SERHL2: variants seen among roughly 807,000 people sequenced by gnomAD.
SERHL2 encodes the protein serine hydrolase like 2, also known as serine hydrolase-like protein 2.
SERHL2 carries 29 observed loss-of-function variants against 25.5 expected under a neutral mutation model. That is an observed-to-expected ratio of 1.14 (90% CI 0.85 to 1.55). The LOEUF (loss-of-function observed/expected upper bound fraction) is 1.55, where lower values mean the gene tolerates loss of function less well. Among genes scored for constraint, SERHL2 ranks in the 40% most tolerant of loss-of-function variants. The pLI is 0.00. For missense variants in SERHL2, 240 were observed against 252.3 expected, an observed-to-expected ratio of 0.95 and a Z score of 0.33; for synonymous variants, 95 against 103.5, an observed-to-expected ratio of 0.92 and a Z score of 0.50.
In SERHL2 at chr22:42,566,365, C is replaced by T. The variant is rs200081336; in HGVS notation, c.648+27C>T. ...TGAGTACCACTGCCTCCGGGTCCCC[C>T]GCCAAGGTTTGCCTGTTAGCGTCTT... is the stretch of plus-strand genomic sequence containing the variant. On this transcript the variant is annotated intron_variant, in intron 9 of 11. Coordinates refer to ENST00000327678, the MANE Select transcript of SERHL2 (RefSeq NM_014509.5). The T allele has an allele frequency of 6.6e-5, 107 of 1,609,168 alleles. 1 individual carries two copies. In the East Asian group the frequency reaches 1.1e-3, roughly 16 times the overall value.
chr22:42,560,405 C>A, intron 8 of SERHL2, 140 bp downstream of exon 8: 1 of 669,032 alleles, frequency 1.5e-6, no homozygotes, highest in South Asian at 1.7e-5. Flanking sequence ...GCCTCACCCT[C>A]ATCCCATTTA....
intron 9 of SERHL2, among the ~76,000 whole-genome samples, chr22:42,570,902 G>A (rs919858114): frequency 2.0e-5 from 3 of 152,004 alleles, no homozygotes; most frequent in African/African-American, 7.2e-5. Flanking sequence ...CACGAGCCCA[G>A]GAAGAAGGGA....
At chr22:42,567,628 C>T (rs1164845318) in intron 9 of SERHL2, among the ~76,000 whole-genome samples, 2 of 151,234 alleles carry the variant, frequency 1.3e-5, no homozygotes, top group African/African-American at 2.4e-5. Context: ...TGCGCCACTG[C>T]AGTTCGCAGT....
intron 11 of SERHL2, 156 bp downstream of exon 11, chr22:42,572,685 C>CA (rs1235628621): frequency 3.0e-6 from 3 of 984,546 alleles, no homozygotes; most frequent in Non-Finnish European, 3.6e-6. Context: ...CCACTGTGGT[C>CA]AGTCCCTAGA....
chr22:42,566,015 C>T (rs888659957), intron 8 of SERHL2, among the ~76,000 whole-genome samples: 4 of 152,012 alleles, frequency 2.6e-5, no homozygotes, highest in African/African-American at 7.2e-5. Flanking sequence ...AGAGCTCCAC[C>T]GTCCACGAGG....
intron 8 of SERHL2, among the ~76,000 whole-genome samples, chr22:42,563,187 TTTCTTTTTTTTTTTTTTTG>T (rs146989069): frequency 0.15 from 21,109 of 142,644 alleles, 2,694 homozygotes; most frequent in East Asian, 0.61. Context: ...TTTTTCTTTT[TTTCTTTTTTTTTTTTTTTG>T]TTGTTGTTGT....
chr22:42,572,094 T>G (rs1243198510), intron 10 of SERHL2, among the ~76,000 whole-genome samples: 6 of 152,078 alleles, frequency 3.9e-5, no homozygotes, highest in Non-Finnish European at 1.5e-5. Flanking sequence ...ACGGGAGGAT[T>G]GTGAAGACAT....
chr22:42,556,545 A>C lies in SERHL2; in HGVS notation c.380A>C (p.Lys127Thr), dbSNP rs1922175909. 6.2e-7 allele frequency: 1 copy of C among 1,609,084 alleles called. No homozygotes were observed. Among genetic ancestry groups the C allele is most frequent in the African/African-American group, 1.3e-5 (1 of 74,748 alleles). The change falls in exon 6 of 12, where the codon AAA (lysine) becomes ACA (threonine). Residue 127 changes from lysine to threonine, a missense_variant. This residue lies in a region of SERHL2 where 9 missense variants were observed against 19.5 expected (regional missense o/e 0.46). Coordinates refer to ENST00000327678, the MANE Select transcript of SERHL2 (RefSeq NM_014509.5). ...TGTACCTTCCCCGAGATGGTGGATA[A>C]ACTTATCTTGCTGGACACGCCGCTC... ...FFCTFPEMVD[K>T]LILLDTPLFL...
At chr22:42,562,443 C>A (rs966123246) in intron 8 of SERHL2, among the ~76,000 whole-genome samples, 1 of 151,772 alleles carries the variant, frequency 6.6e-6, no homozygotes, top group African/African-American at 2.4e-5. Context: ...AGTATCTGTT[C>A]CCACCTCTCT....
Position 42,556,538 on chromosome 22 carries a change from G to T in SERHL2, c.373G>T (p.Val125Leu). 6.2e-7 allele frequency: 1 copy of T among 1,610,812 alleles called. No individual in the cohort carries two copies. The highest frequency in any genetic ancestry group is 8.5e-7 in the Non-Finnish European group (1 of 1,177,758). Residue 125 changes from valine to leucine, a missense_variant, in exon 6 of 12, where the codon GTG (valine) becomes TTG (leucine). By Grantham distance (32) the Val-to-Leu change is conservative. This residue lies in a region of SERHL2 where 9 missense variants were observed against 19.5 expected (regional missense o/e 0.46). Transcript: ENST00000327678. ...GTTTTTCTGTACCTTCCCCGAGATG[G>T]TGGATAAACTTATCTTGCTGGACAC... ...GMFFCTFPEM[V>L]DKLILLDTPL...
In SERHL2 at chr22:42,574,347, C is replaced by T; in HGVS notation, c.*292C>T. On this transcript the variant is annotated 3_prime_UTR_variant, in exon 12 of 12. Coordinates refer to ENST00000327678, the MANE Select transcript of SERHL2 (RefSeq NM_014509.5). The stretch of plus-strand genomic sequence containing the variant: ...GCCCACCTAGCCTTTCCCTGCTGCC[C>T]AACTGGATGGAAAATAAAAGGTTCT... 1 of 515,898 alleles carries T rather than the reference C, an allele frequency of 1.9e-6. No homozygotes were observed. The highest frequency in any genetic ancestry group is 3.4e-5 in the Admixed American group (1 of 29,344). The allele number at this position is 515,898 out of a possible 1,614,324, so 32.0% of individuals were successfully genotyped here.
intron 8 of SERHL2, chr22:42,565,016 G>A (rs1357504710): frequency 1.1e-4 from 16 of 152,096 alleles, no homozygotes; most frequent in Admixed American, 1.0e-3. Context: ...TATTTCACCT[G>A]GGTGCAGGCG....
intron 10 of SERHL2, 82 bp downstream of exon 10, chr22:42,571,285 G>A (rs1226061067): frequency 7.5e-6 from 12 of 1,594,546 alleles, no homozygotes; most frequent in African/African-American, 1.3e-5. Context: ...CCTGGCATGA[G>A]GCTCCAAGTT....
chr22:42,567,896 A>AT (rs1923631876), intron 9 of SERHL2, among the ~76,000 whole-genome samples: 5 of 151,066 alleles, frequency 3.3e-5, no homozygotes, highest in Non-Finnish European at 7.4e-5. Context: ...CACCTGGCTA[A>AT]TTTTTGTGTT....
intron 9 of SERHL2, among the ~76,000 whole-genome samples, chr22:42,567,724 A>T (rs1222038880): frequency 4.8e-5 from 7 of 146,950 alleles, no homozygotes; most frequent in African/African-American, 1.3e-4. Context: ...CTTTAATTTT[A>T]TTATTATTAT....
intron 11 of SERHL2, 72 bp from the exon 12 acceptor site, chr22:42,573,862 CCT>C (rs1437263547): frequency 6.8e-7 from 1 of 1,478,996 alleles, no homozygotes; most frequent in African/African-American, 1.4e-5. Context: ...GTGGGAGGGC[CCT>C]GACCCCGGGG....
intron 9 of SERHL2, among the ~76,000 whole-genome samples, chr22:42,567,421 T>C (rs1351384495): frequency 2.6e-5 from 4 of 151,868 alleles, no homozygotes; most frequent in Non-Finnish European, 4.4e-5. Flanking sequence ...TCCCAGCACT[T>C]TGGGAGGCCG....
rs199817560 is a variant in SERHL2, at chr22:42,571,143, T to C, written c.671T>C (p.Ile224Thr). 1 of 1,613,448 alleles carries C rather than the reference T, an allele frequency of 6.2e-7. No individual in the cohort carries two copies. Reference protein sequence around the residue: ...LAWAENSIDFISRELCAHSIR... With the variant: ...LAWAENSIDFTSRELCAHSIR... ...CAGGCAGAGAACAGCATTGACTTCA[T>C]CAGCAGGGAGCTGTGTGCGCATTCC... Residue 224 changes from isoleucine (I) to threonine (T), a missense_variant, in exon 10 of 12, where the codon ATC (isoleucine) becomes ACC (threonine). Physicochemically the swap from Ile to Thr is moderately conservative, Grantham distance 89. Around this residue, in one of 4 missense-constraint regions of SERHL2, gnomAD observed 212 missense variants for 168.9 expected, o/e 1.25. Coordinates refer to ENST00000327678, the MANE Select transcript of SERHL2 (RefSeq NM_014509.5).
intron 8 of SERHL2, among the ~76,000 whole-genome samples, chr22:42,560,466 T>C (rs559876636): frequency 1.3e-5 from 2 of 151,994 alleles, no homozygotes; most frequent in African/African-American, 4.8e-5. Flanking sequence ...GGTGAGGCCA[T>C]ACAGTTACTG....
Sources: allele counts gnomAD v4.1 joint callset (sites outside exome capture counted in the v4.1 genomes callset), GRCh38; gene constraint gnomAD v4.1.1; regional missense constraint gnomAD v4.1.1; transcripts MANE v1.5; gene names NCBI Gene and HGNC (gene_info 2026-07-23, HGNC 2026-07-21).